Variants in MAPRE1 observed in about 807,000 individuals in gnomAD.
The protein encoded by MAPRE1 is microtubule-associated protein RP/EB family member 1.
MAPRE1 carries 5 observed loss-of-function variants against 32.1 expected under a neutral mutation model. That is an observed-to-expected ratio of 0.16 (90% CI 0.08 to 0.33). MAPRE1 has a LOEUF of 0.33. Ranked by LOEUF, MAPRE1 falls within the 10% of genes least tolerant of loss-of-function variation. The pLI, the probability that MAPRE1 is intolerant of heterozygous loss-of-function variation, is 1.00. For missense variants in MAPRE1, 209 were observed against 327.2 expected, an observed-to-expected ratio of 0.64 and a Z score of 2.79; for synonymous variants, 122 against 118.9, an observed-to-expected ratio of 1.03 and a Z score of -0.17.
chr20:32,832,805 C>T (rs1167430769), intron 2 of MAPRE1, among the ~76,000 whole-genome samples: 27 of 120,370 alleles, frequency 2.2e-4, no homozygotes, highest in African/African-American at 4.9e-4. Context: ...GCCAGAGTTT[C>T]GCTTTTTTTT....
intron 2 of MAPRE1, among the ~76,000 whole-genome samples, chr20:32,830,463 T>C (rs1175155946): frequency 6.6e-6 from 1 of 152,164 alleles, no homozygotes; most frequent in Non-Finnish European, 1.5e-5. Context: ...GGTACTCCAT[T>C]TGGGGCCATG....
intron 2 of MAPRE1, among the ~76,000 whole-genome samples, chr20:32,830,036 C>T (rs1293029920): frequency 6.6e-6 from 1 of 152,094 alleles, no homozygotes; most frequent in Non-Finnish European, 1.5e-5. Flanking sequence ...TATTCAGGCC[C>T]CTCTGCATTT....
intron 5 of MAPRE1, among the ~76,000 whole-genome samples, chr20:32,840,281 T>C (rs1191840426): frequency 6.6e-6 from 1 of 152,162 alleles, no homozygotes; most frequent in Non-Finnish European, 1.5e-5. Context: ...AGCCTGTGGC[T>C]CTTCTAGTTC....
At chr20:32,834,750 A>G (rs1443422660) in intron 3 of MAPRE1, among the ~76,000 whole-genome samples, 1 of 152,252 alleles carries the variant, frequency 6.6e-6, no homozygotes, top group East Asian at 1.9e-4. Flanking sequence ...TGCATTCATT[A>G]TTATGGAATT....
At chr20:32,839,923 C>T in intron 5 of MAPRE1, 67 bp downstream of exon 5, 1 of 1,594,960 alleles carries the variant, frequency 6.3e-7, no homozygotes, top group Non-Finnish European at 8.6e-7. Context: ...GGCCAGGGTG[C>T]CTTATCCGTG....
chr20:32,836,813 G>A lies in MAPRE1; in HGVS notation c.447G>A (p.Pro149=), dbSNP rs765825351. 31 of 1,611,198 alleles carry A rather than the reference G, an allele frequency of 1.9e-5. No individual in the cohort carries two copies. The highest frequency in any genetic ancestry group is 1.7e-4 in the Middle Eastern group (1 of 6,058). Reference sequence around the variant, plus strand: ...TTGTTGCTCCAGCTCTGAATAAACCGAAGAAACCTCTCACTTCTAGCAGTG... The same window carrying A: ...TTGTTGCTCCAGCTCTGAATAAACCAAAGAAACCTCTCACTTCTAGCAGTG... ...PSLVAPALNK[P]KKPLTSSSAA... Residue 149 remains proline (P), a synonymous_variant, in exon 4 of 7, where the codon CCG becomes CCA. Coordinates refer to ENST00000375571, the MANE Select transcript of MAPRE1 (RefSeq NM_012325.3).
chr20:32,840,546 A>AACTCC (rs568013471), intron 5 of MAPRE1, among the ~76,000 whole-genome samples: 9 of 152,180 alleles, frequency 5.9e-5, no homozygotes, highest in Non-Finnish European at 1.3e-4. Flanking sequence ...GCTGGTCTCT[A>AACTCC]ACTCCTGAGC....
chr20:32,841,798 T>TA (rs1482762305), intron 5 of MAPRE1, among the ~76,000 whole-genome samples: 3 of 152,148 alleles, frequency 2.0e-5, no homozygotes, highest in African/African-American at 4.8e-5. Flanking sequence ...TCTCTGAACT[T>TA]ACTGCCTCAC....
chr20:32,848,018 A>T (rs775791868), intron 6 of MAPRE1, among the ~76,000 whole-genome samples: 2 of 152,082 alleles, frequency 1.3e-5, no homozygotes, highest in African/African-American at 4.8e-5. Flanking sequence ...TGAACTTTAC[A>T]GGGGACTTCA....
At chr20:32,835,434 A>C (rs1290926467) in intron 3 of MAPRE1, among the ~76,000 whole-genome samples, 1 of 134,518 alleles carries the variant, frequency 7.4e-6, no homozygotes, top group African/African-American at 3.1e-5. Context: ...GGACTCAAGC[A>C]GTCCTCAAGA....
intron 5 of MAPRE1, among the ~76,000 whole-genome samples, chr20:32,844,737 G>A (rs752674933): frequency 2.6e-5 from 4 of 152,102 alleles, no homozygotes; most frequent in Non-Finnish European, 4.4e-5. Context: ...AAGCTCTTTC[G>A]ACTTCCTTTC....
intron 2 of MAPRE1, among the ~76,000 whole-genome samples, chr20:32,832,464 C>CTCTT (rs1292573374): frequency 7.1e-6 from 1 of 141,786 alleles, no homozygotes; most frequent in African/African-American, 2.6e-5. Context: ...TTACAGTAGT[C>CTCTT]TCTTTTTTTT....
chr20:32,836,585 C>A, intron 3 of MAPRE1, 49 bp from the exon 4 acceptor site: 2 of 1,131,580 alleles, frequency 1.8e-6, no homozygotes, highest in Non-Finnish European at 2.6e-6. Flanking sequence ...TAGTTTGATG[C>A]TTGCCAAAAG....
rs539091362 is a variant in MAPRE1, at chr20:32,838,104, C to T, written c.475+1263C>T. ...TCTCAAGAAAAAAAATAGAAAGAAA[C>T]CTTGTACATAGTTAATAGTTGTCAC... On this transcript the variant is annotated intron_variant, in intron 4 of 6. Coordinates refer to ENST00000375571, the MANE Select transcript of MAPRE1 (RefSeq NM_012325.3). Among the ~76,000 whole-genome samples, 10 of 152,086 alleles carry T rather than the reference C, an allele frequency of 6.6e-5. No individual in the cohort carries two copies. The East Asian group carries it at 1.7e-3, about 26-fold the overall frequency.
chr20:32,820,853 T>C (rs1982677517), intron 1 of MAPRE1, among the ~76,000 whole-genome samples: 1 of 152,048 alleles, frequency 6.6e-6, no homozygotes, highest in Admixed American at 6.5e-5. Flanking sequence ...TTGAGGGAGG[T>C]TATGCTAGGC....
chr20:32,839,161 T>A (rs1284042008), intron 4 of MAPRE1, among the ~76,000 whole-genome samples: 3 of 152,188 alleles, frequency 2.0e-5, no homozygotes, highest in Non-Finnish European at 4.4e-5. Context: ...GCTCTCCTGC[T>A]CTTATGGATT....
At chr20:32,827,757 T>C (rs1403244620) in intron 2 of MAPRE1, among the ~76,000 whole-genome samples, 1 of 151,810 alleles carries the variant, frequency 6.6e-6, no homozygotes, top group Non-Finnish European at 1.5e-5. Context: ...TTAGCCAGGC[T>C]TGGTGGCACG....
chr20:32,837,871 G>A (rs1478730086), intron 4 of MAPRE1, among the ~76,000 whole-genome samples: 1 of 152,132 alleles, frequency 6.6e-6, no homozygotes, highest in Non-Finnish European at 1.5e-5. Flanking sequence ...ATCACTTGAG[G>A]TCAGGAGTTT....
chr20:32,843,076 C>G (rs1983407888), intron 5 of MAPRE1: 1 of 152,166 alleles, frequency 6.6e-6, no homozygotes, highest in Non-Finnish European at 1.5e-5. Flanking sequence ...GGATCAAATG[C>G]TCATACCCAG....
Sources: allele counts gnomAD v4.1 joint callset (sites outside exome capture counted in the v4.1 genomes callset), GRCh38; gene constraint gnomAD v4.1.1; transcripts MANE v1.5; gene names NCBI Gene and HGNC (gene_info 2026-07-23, HGNC 2026-07-21).